Variants in NKAIN2 observed in about 807,000 individuals in gnomAD.
NKAIN2 encodes sodium/potassium-transporting ATPase subunit beta-1-interacting protein 2.
In NKAIN2, 14 loss-of-function variants were observed where a neutral mutation model predicts 32.6. The ratio of observed to expected loss-of-function variants is 0.43; its 90% CI spans 0.28 to 0.67. NKAIN2 has a LOEUF of 0.67. Among genes scored for constraint, NKAIN2 ranks in the 30% least tolerant of loss-of-function variants. NKAIN2 has a pLI of 0.17. For synonymous variants in NKAIN2, 80 were observed against 87.2 expected, an observed-to-expected ratio of 0.92 and a Z score of 0.46; for missense variants, 198 against 258.3, an observed-to-expected ratio of 0.77 and a Z score of 1.60.
At chr6:123,838,183 G>C (rs1017126693) in intron 1 of NKAIN2, among the ~76,000 whole-genome samples, 1 of 152,020 alleles carries the variant, frequency 6.6e-6, no homozygotes, top group Non-Finnish European at 1.5e-5. Flanking sequence ...CTTTTTTTCT[G>C]AAATCAAGAG....
intron 3 of NKAIN2, chr6:124,390,762 A>G (rs1773105873): frequency 6.6e-6 from 1 of 152,190 alleles, no homozygotes; most frequent in Non-Finnish European, 1.5e-5. Flanking sequence ...GGAAGGAGCC[A>G]TGTTTATCAA....
chr6:123,969,150 C>T (rs1342086886), intron 1 of NKAIN2, among the ~76,000 whole-genome samples: 2 of 152,178 alleles, frequency 1.3e-5, no homozygotes, highest in Non-Finnish European at 2.9e-5. Context: ...GCTTTCAAAA[C>T]TATCAATTGT....
intron 1 of NKAIN2, among the ~76,000 whole-genome samples, chr6:124,158,899 G>A (rs1409892628): frequency 6.6e-6 from 1 of 152,090 alleles, no homozygotes; most frequent in East Asian, 1.9e-4. Context: ...TGCTTTCGGA[G>A]TCACAGAGAC....
At chr6:124,281,815 T>G (rs990874749) in intron 1 of NKAIN2, among the ~76,000 whole-genome samples, 4 of 152,200 alleles carry the variant, frequency 2.6e-5, no homozygotes, top group Admixed American at 1.3e-4. Context: ...ATATTTAATT[T>G]AAAAGCACAT....
At chr6:124,740,032 T>C (rs1247274777) in intron 4 of NKAIN2, among the ~76,000 whole-genome samples, 1 of 151,872 alleles carries the variant, frequency 6.6e-6, no homozygotes, top group African/African-American at 2.4e-5. Context: ...ACTTGTTTAA[T>C]GGCTGGTGCT....
intron 1 of NKAIN2, among the ~76,000 whole-genome samples, chr6:123,887,100 G>GT (rs1773755256): frequency 6.6e-6 from 1 of 152,142 alleles, no homozygotes. Context: ...TTTGTAGTTA[G>GT]TGGGTCATCT....
At chr6:124,696,836 A>G (rs1184426147) in intron 4 of NKAIN2, among the ~76,000 whole-genome samples, 1 of 150,800 alleles carries the variant, frequency 6.6e-6, no homozygotes, top group Non-Finnish European at 1.5e-5. Flanking sequence ...AACAGAATTT[A>G]GGGAACTTGT....
chr6:124,371,008 G>C (rs1799736278), intron 3 of NKAIN2, among the ~76,000 whole-genome samples: 1 of 152,150 alleles, frequency 6.6e-6, no homozygotes, highest in Non-Finnish European at 1.5e-5. Context: ...CATTTCTGCA[G>C]TGTGTTAACT....
intron 1 of NKAIN2, among the ~76,000 whole-genome samples, chr6:124,150,042 C>T (rs1787624993): frequency 6.6e-6 from 1 of 150,488 alleles, no homozygotes; most frequent in Non-Finnish European, 1.5e-5. Flanking sequence ...AAATAAATTC[C>T]CCCACCCTCC....
intron 4 of NKAIN2, among the ~76,000 whole-genome samples, chr6:124,700,089 G>T (rs556767067): frequency 3.9e-5 from 6 of 152,002 alleles, no homozygotes; most frequent in Admixed American, 3.9e-4. Flanking sequence ...ATGATTTATC[G>T]ATATATTTTT....
chr6:124,540,881 A>C (rs1184344797), intron 3 of NKAIN2, among the ~76,000 whole-genome samples: 1 of 152,210 alleles, frequency 6.6e-6, no homozygotes, highest in Non-Finnish European at 1.5e-5. Context: ...GAGCACATTT[A>C]AGGTAGGCTA....
At chr6:124,191,360 G>A (rs1790011574) in intron 1 of NKAIN2, among the ~76,000 whole-genome samples, 1 of 151,440 alleles carries the variant, frequency 6.6e-6, no homozygotes, top group Non-Finnish European at 1.5e-5. Context: ...TCATAAGTAT[G>A]GTTTTGCTGC....
intron 4 of NKAIN2, among the ~76,000 whole-genome samples, chr6:124,714,367 A>G (rs1339044165): frequency 6.6e-6 from 1 of 152,254 alleles, no homozygotes; most frequent in East Asian, 1.9e-4. Flanking sequence ...CATATCAACT[A>G]GGACACTTGC....
At chr6:124,712,670 T>C (rs1775556665) in intron 4 of NKAIN2, among the ~76,000 whole-genome samples, 1 of 151,838 alleles carries the variant, frequency 6.6e-6, no homozygotes. Context: ...CTGGCCCTGC[T>C]TCGGCTCGTG....
At chr6:124,323,117 G>A (rs941812627) in intron 2 of NKAIN2, among the ~76,000 whole-genome samples, 1 of 152,002 alleles carries the variant, frequency 6.6e-6, no homozygotes, top group South Asian at 2.1e-4. Flanking sequence ...TTTCTGAATT[G>A]TATTGTCTGG....
intron 4 of NKAIN2, among the ~76,000 whole-genome samples, chr6:124,733,209 G>A (rs1162243980): frequency 5.3e-5 from 8 of 151,930 alleles, no homozygotes; most frequent in Non-Finnish European, 1.0e-4. Flanking sequence ...TTAGGGTGGT[G>A]AAACTATTCT....
chr6:124,786,603 TA>T (rs1779516838), intron 4 of NKAIN2, among the ~76,000 whole-genome samples: 1 of 152,086 alleles, frequency 6.6e-6, no homozygotes, highest in African/African-American at 2.4e-5. Flanking sequence ...CAGTCAGTGA[TA>T]ATATCAAGAT....
chr6:124,775,834 A>T (rs1562376836), intron 4 of NKAIN2, among the ~76,000 whole-genome samples: 3 of 151,486 alleles, frequency 2.0e-5, no homozygotes, highest in African/African-American at 4.9e-5. Flanking sequence ...TGAAATAATG[A>T]TTTTTTTTTC....
chr6:124,268,805 G>A (rs867545365), intron 1 of NKAIN2, among the ~76,000 whole-genome samples: 5 of 151,876 alleles, frequency 3.3e-5, no homozygotes, highest in Admixed American at 1.3e-4. Context: ...ATATCATAAT[G>A]TTCAAACTTT....
Sources: allele counts gnomAD v4.1 joint callset (sites outside exome capture counted in the v4.1 genomes callset), GRCh38; gene constraint gnomAD v4.1.1; transcripts MANE v1.5; gene names NCBI Gene and HGNC (gene_info 2026-07-23, HGNC 2026-07-21).